Variants in PLXDC2 observed in about 807,000 individuals in gnomAD.
PLXDC2 encodes the protein plexin domain-containing protein 2.
In PLXDC2, 40 loss-of-function variants were observed where a neutral mutation model predicts 68.9. That is an observed-to-expected ratio of 0.58 (90% CI 0.45 to 0.76). The LOEUF is 0.76. PLXDC2 is among the 30% of genes least tolerant of loss of function. PLXDC2 has a pLI of 0.00. For missense variants in PLXDC2, 644 were observed against 661.9 expected (o/e 0.97, Z 0.30); for synonymous variants, 243 against 234.2 (o/e 1.04, Z -0.34).
chr10:20,138,482 T>C (rs1833961209), intron 4 of PLXDC2, among the ~76,000 whole-genome samples: 1 of 152,208 alleles, frequency 6.6e-6, no homozygotes, highest in Non-Finnish European at 1.5e-5. Flanking sequence ...TCTGTAACAT[T>C]TGGAATTGCG....
intron 4 of PLXDC2, among the ~76,000 whole-genome samples, chr10:20,109,308 T>G (rs1296564615): frequency 6.6e-6 from 1 of 152,202 alleles, no homozygotes; most frequent in South Asian, 2.1e-4. Flanking sequence ...CCTTTTGTTA[T>G]AAGGCATTAT....
intron 9 of PLXDC2, among the ~76,000 whole-genome samples, chr10:20,191,304 T>G (rs1000624012): frequency 6.6e-6 from 1 of 151,906 alleles, no homozygotes; most frequent in Non-Finnish European, 1.5e-5. Context: ...AAAGCCACTT[T>G]TACTTTTACC....
intron 4 of PLXDC2, among the ~76,000 whole-genome samples, chr10:20,072,543 GA>G (rs67317026): frequency 0.076 from 4,486 of 58,938 alleles, 378 homozygotes; most frequent in East Asian, 0.42. Flanking sequence ...AAGAAAGAAA[GA>G]AAGAAAGAAA....
At chr10:20,100,197 T>C (rs7909737) in intron 4 of PLXDC2, among the ~76,000 whole-genome samples, 66,954 of 152,006 alleles carry the variant, frequency 0.44, 14,945 homozygotes, top group South Asian at 0.7. Flanking sequence ...GAAAACAGTA[T>C]GTTGCACTGG....
intron 2 of PLXDC2, among the ~76,000 whole-genome samples, chr10:20,009,960 A>T (rs904094361): frequency 3.9e-5 from 6 of 152,012 alleles, no homozygotes; most frequent in African/African-American, 1.4e-4. Context: ...TTAGATTAGA[A>T]TTGTTGTGGT....
chr10:19,984,510 A>G lies in PLXDC2; in HGVS notation c.113-17265A>G, dbSNP rs140854958. On this transcript the variant is annotated intron_variant, in intron 1 of 13. Coordinates refer to ENST00000377252, the MANE Select transcript of PLXDC2 (RefSeq NM_032812.9). ...TTTGCTTTTCCTCTGGGGAAATGTA[A>G]GAGAAAATTACATGTGTAGGGTAGA... Among the ~76,000 whole-genome samples, 28 of 152,344 alleles carry G rather than the reference A, an allele frequency of 1.8e-4. 1 individual carries two copies. The highest frequency in any genetic ancestry group is 6.3e-4 in the African/African-American group (26 of 41,578).
chr10:20,131,794 C>G (rs1466290314), intron 4 of PLXDC2, among the ~76,000 whole-genome samples: 1 of 152,058 alleles, frequency 6.6e-6, no homozygotes, highest in Non-Finnish European at 1.5e-5. Flanking sequence ...TTTCATTAAT[C>G]TTTTGTATTG....
At chr10:20,241,731 A>G (rs114426756) in intron 12 of PLXDC2, among the ~76,000 whole-genome samples, 182 of 152,354 alleles carry the variant, frequency 1.2e-3, no homozygotes, top group African/African-American at 4.2e-3. Flanking sequence ...GTGAGTCAAG[A>G]TCACACCACA....
In PLXDC2 at chr10:19,934,429, GAAC is replaced by G. The variant is rs532454213; in HGVS notation, c.113-67340_113-67338del. Among the ~76,000 whole-genome samples, 377 of 152,260 alleles carry G rather than the reference GAAC, an allele frequency of 2.5e-3. 1 individual carries two copies. The highest frequency in any genetic ancestry group is 8.8e-3 in the African/African-American group (364 of 41,542). ...ACCACATTCATACCTTTGAACAATA[GAAC>G]AACAAGAGAGATGCCACCTTCTGCA... is the stretch of plus-strand genomic sequence containing the variant. On this transcript the variant is annotated intron_variant, in intron 1 of 13. Transcript: ENST00000377252.
intron 1 of PLXDC2, among the ~76,000 whole-genome samples, chr10:19,885,854 T>C (rs1433399328): frequency 6.6e-6 from 1 of 152,120 alleles, no homozygotes; most frequent in Non-Finnish European, 1.5e-5. Context: ...TTTGGTTCCA[T>C]ATGAACTTTA....
chr10:19,970,558 T>C (rs1700549144), intron 1 of PLXDC2, among the ~76,000 whole-genome samples: 1 of 152,232 alleles, frequency 6.6e-6, no homozygotes, highest in South Asian at 2.1e-4. Context: ...GCACAAGTAG[T>C]AGCCTCCTCT....
chr10:19,868,973 TA>T (rs1298568646), intron 1 of PLXDC2, among the ~76,000 whole-genome samples: 1 of 152,204 alleles, frequency 6.6e-6, no homozygotes, highest in Non-Finnish European at 1.5e-5. Context: ...ATTTTTTTGT[TA>T]AAAATATGCT....
chr10:19,898,809 T>C (rs1838108422), intron 1 of PLXDC2, among the ~76,000 whole-genome samples: 1 of 152,164 alleles, frequency 6.6e-6, no homozygotes, highest in Non-Finnish European at 1.5e-5. Context: ...ATGAAATATA[T>C]ATTAAAATAA....
chr10:19,981,638 G>A (rs1041845429), intron 1 of PLXDC2, among the ~76,000 whole-genome samples: 26 of 152,116 alleles, frequency 1.7e-4, no homozygotes, highest in African/African-American at 5.6e-4. Context: ...GGAGTTTCAC[G>A]GAATGATTGA....
At chr10:20,120,614 A>C (rs1004995473) in intron 4 of PLXDC2, among the ~76,000 whole-genome samples, 2 of 152,126 alleles carry the variant, frequency 1.3e-5, no homozygotes, top group Admixed American at 6.6e-5. Context: ...CTATCCAGTG[A>C]AAGTGTCTAC....
chr10:19,889,435 T>A (rs949208543), intron 1 of PLXDC2, among the ~76,000 whole-genome samples: 1 of 152,156 alleles, frequency 6.6e-6, no homozygotes, highest in Non-Finnish European at 1.5e-5. Flanking sequence ...AGGGTCTCAT[T>A]TAATAACTTG....
At chr10:20,140,442 C>CTATCTATCTATCTATCTATCTATCT (rs34794355) in intron 4 of PLXDC2, among the ~76,000 whole-genome samples, 4 of 145,334 alleles carry the variant, frequency 2.8e-5, no homozygotes, top group Non-Finnish European at 4.5e-5. Flanking sequence ...TCTATCTATC[C>CTATCTATCTATCTATCTATCTATCT]GTCTAATCTT....
intron 1 of PLXDC2, among the ~76,000 whole-genome samples, chr10:19,957,776 G>T (rs906753920): frequency 6.6e-6 from 1 of 152,076 alleles, no homozygotes; most frequent in African/African-American, 2.4e-5. Context: ...ATTAATACAT[G>T]TTGCTAAACT....
At chr10:20,061,890 T>A (rs188344870) in intron 3 of PLXDC2, among the ~76,000 whole-genome samples, 8 of 152,332 alleles carry the variant, frequency 5.3e-5, no homozygotes, top group Non-Finnish European at 7.4e-5. Flanking sequence ...AATGCACTGG[T>A]GTATTTGAAA....
Sources: allele counts gnomAD v4.1 joint callset (sites outside exome capture counted in the v4.1 genomes callset), GRCh38; gene constraint gnomAD v4.1.1; transcripts MANE v1.5; gene names NCBI Gene and HGNC (gene_info 2026-07-23, HGNC 2026-07-21).